Variants in RAD51B observed in about 807,000 individuals in gnomAD.
RAD51B encodes the protein RAD51 paralog B.
In RAD51B, 38 loss-of-function variants were observed where a neutral mutation model predicts 42.2. The observed-to-expected ratio is 0.90, with a 90% CI of 0.70 to 1.18. The LOEUF (loss-of-function observed/expected upper bound fraction) is 1.18. RAD51B is among the 50% of genes most tolerant of loss of function. The pLI, the probability that RAD51B is intolerant of heterozygous loss-of-function variation, is 0.00. For missense variants in RAD51B, 373 were observed against 400.7 expected, an observed-to-expected ratio of 0.93 and a Z score of 0.59; for synonymous variants, 154 against 145.2, an observed-to-expected ratio of 1.06 and a Z score of -0.43.
At chr14:68,596,690 A>G (rs1011422076), downstream of RAD51B, among the ~76,000 whole-genome samples, 1 of 152,258 alleles carries the variant, frequency 6.6e-6, no homozygotes. Context: ...GGCACACGCC[A>G]TTTCTGTCAC....
chr14:68,595,220 T>C, exon 11 of RAD51B: 15 of 1,061,548 alleles, frequency 1.4e-5, no homozygotes, highest in Non-Finnish European at 1.7e-5. Flanking sequence ...ACATGGAAGA[T>C]GATTTAAAAA....
At chr14:68,228,650 T>A (rs1029653424) in intron 7 of RAD51B, among the ~76,000 whole-genome samples, 1 of 152,220 alleles carries the variant, frequency 6.6e-6, no homozygotes, top group African/African-American at 2.4e-5. Context: ...ATGACATGAA[T>A]GAATGAGAAT....
At chr14:68,417,356 C>T (rs546041417) in intron 9 of RAD51B, among the ~76,000 whole-genome samples, 18 of 152,226 alleles carry the variant, frequency 1.2e-4, no homozygotes, top group African/African-American at 3.4e-4. Flanking sequence ...AGCATAAATA[C>T]CTATAGAAAT....
intron 7 of RAD51B, among the ~76,000 whole-genome samples, chr14:68,146,777 GT>G (rs1359949851): frequency 2.6e-5 from 4 of 152,062 alleles, no homozygotes; most frequent in African/African-American, 7.2e-5. Flanking sequence ...CACTCTTAGG[GT>G]TTTTTTTAAA....
chr14:68,167,463 T>G (rs2078776748), intron 7 of RAD51B, among the ~76,000 whole-genome samples: 1 of 152,176 alleles, frequency 6.6e-6, no homozygotes, highest in African/African-American at 2.4e-5. Flanking sequence ...CCTGCTTTAT[T>G]GTATGAGAGA....
chr14:68,583,693 G>A (rs573323149), intron 10 of RAD51B, among the ~76,000 whole-genome samples: 17 of 152,274 alleles, frequency 1.1e-4, no homozygotes, highest in South Asian at 2.1e-4. Context: ...TGCAAGCTCC[G>A]CAGTGCCCTC....
chr14:68,171,730 G>A (rs1010873266), intron 7 of RAD51B, among the ~76,000 whole-genome samples: 3 of 151,696 alleles, frequency 2.0e-5, no homozygotes, highest in African/African-American at 4.8e-5. Context: ...TGTGTGTGAC[G>A]GAGTCTCGCT....
At chr14:68,578,166 C>T (rs1001480015) in intron 10 of RAD51B, among the ~76,000 whole-genome samples, 1 of 152,194 alleles carries the variant, frequency 6.6e-6, no homozygotes, top group African/African-American at 2.4e-5. Context: ...TGGCTCATGC[C>T]TGTAATATCA....
At chr14:67,910,892 A>ACCTC (rs2140113686) in intron 7 of RAD51B, among the ~76,000 whole-genome samples, 1 of 151,782 alleles carries the variant, frequency 6.6e-6, no homozygotes, top group Non-Finnish European at 1.5e-5. Flanking sequence ...GCTCACTGCA[A>ACCTC]CCTCCGCCTC....
intron 7 of RAD51B, among the ~76,000 whole-genome samples, chr14:67,970,682 C>G (rs2074879637): frequency 6.6e-6 from 1 of 152,026 alleles, no homozygotes; most frequent in Non-Finnish European, 1.5e-5. Context: ...TTCTCACCTT[C>G]TTGTGATTGG....
chr14:68,061,053 C>CTT (rs755916680), intron 7 of RAD51B, among the ~76,000 whole-genome samples: 1,060 of 101,286 alleles, frequency 0.01, 6 homozygotes, highest in Non-Finnish European at 0.015. Context: ...TATTTGAGGT[C>CTT]TTTTTTTTTT....
At chr14:68,084,163 G>C (rs879256852) in intron 7 of RAD51B, among the ~76,000 whole-genome samples, 1 of 152,048 alleles carries the variant, frequency 6.6e-6, no homozygotes, top group African/African-American at 2.4e-5. Context: ...GGAACACTAA[G>C]GCATTATTTA....
chr14:67,831,242 T>C (rs2041034678), intron 3 of RAD51B, among the ~76,000 whole-genome samples: 1 of 152,198 alleles, frequency 6.6e-6, no homozygotes, highest in African/African-American at 2.4e-5. Flanking sequence ...GTTAAATATA[T>C]GGACCTGGAC....
intron 8 of RAD51B, among the ~76,000 whole-genome samples, chr14:68,322,993 CTA>C (rs1435037019): frequency 6.6e-6 from 1 of 152,182 alleles, no homozygotes; most frequent in Admixed American, 6.5e-5. Flanking sequence ...AGATTCGTGA[CTA>C]TGAGAATTTC....
At chr14:68,613,645 G>A (rs538807891), downstream of RAD51B, among the ~76,000 whole-genome samples, 279 of 151,938 alleles carry the variant, frequency 1.8e-3, 1 homozygote, top group Non-Finnish European at 3.1e-3. Context: ...TAGTAGAGAT[G>A]GGGTTTCACC....
chr14:68,130,188 G>T (rs1156375532), intron 7 of RAD51B: 1 of 152,218 alleles, frequency 6.6e-6, no homozygotes, highest in Admixed American at 6.5e-5. Flanking sequence ...ACTCCTAGAG[G>T]TTGTTCTCTG....
At chr14:68,376,395 C>CA (rs2139970020) in intron 8 of RAD51B, among the ~76,000 whole-genome samples, 1 of 152,352 alleles carries the variant, frequency 6.6e-6, no homozygotes, top group African/African-American at 2.4e-5. Flanking sequence ...GTAATTACAA[C>CA]AGCTTGAGTC....
At chr14:67,981,686 G>A (rs2075095792) in intron 7 of RAD51B, among the ~76,000 whole-genome samples, 1 of 152,182 alleles carries the variant, frequency 6.6e-6, no homozygotes, top group African/African-American at 2.4e-5. Context: ...TAATCATGCT[G>A]AGAGAAATAA....
intron 7 of RAD51B, among the ~76,000 whole-genome samples, chr14:68,114,603 T>C (rs999161326): frequency 6.6e-6 from 1 of 152,156 alleles, no homozygotes; most frequent in African/African-American, 2.4e-5. Context: ...TGTGATAAGT[T>C]TCTTATTATC....
Sources: gnomAD v4.1 joint callset for allele counts (sites outside exome capture counted in the v4.1 genomes callset) on GRCh38, gnomAD v4.1.1 for gene constraint, MANE v1.5 for transcripts, NCBI Gene and HGNC (gene_info 2026-07-23, HGNC 2026-07-21) for gene names.